Variants in NFIB observed in about 807,000 individuals in gnomAD.
NFIB encodes the protein nuclear factor I B, also known as nuclear factor 1 B-type.
A neutral mutation model predicts 61.5 loss-of-function variants in NFIB; 11 were observed. That is an observed-to-expected ratio of 0.18 (90% CI 0.11 to 0.30). NFIB has a LOEUF of 0.30. Ranked by LOEUF, NFIB falls within the 10% of genes least tolerant of loss-of-function variation. The probability of loss-of-function intolerance (pLI) is 1.00; values close to 1 mark genes in which losing one functional copy is unlikely to be tolerated. For synonymous variants in NFIB, 260 were observed against 216.5 expected, an observed-to-expected ratio of 1.20 and a Z score of -1.76; for missense variants, 471 against 608.9, an observed-to-expected ratio of 0.77 and a Z score of 2.38.
the NFIB span, among the ~76,000 whole-genome samples, chr9:14,493,168 CT>C: frequency 1.3e-5 from 2 of 152,148 alleles, no homozygotes; most frequent in Admixed American, 1.3e-4. Context: ...GGTGGAGGGC[CT>C]CCCAGGACCC....
chr9:14,255,368 T>A (rs367571391), intron 2 of NFIB, among the ~76,000 whole-genome samples: 2 of 152,268 alleles, frequency 1.3e-5, no homozygotes, highest in East Asian at 3.8e-4. Context: ...ATTTCCTTAA[T>A]GTAAGATCAC....
chr9:14,405,188 TG>T, the NFIB span, among the ~76,000 whole-genome samples: 1 of 152,176 alleles, frequency 6.6e-6, no homozygotes, highest in South Asian at 2.1e-4. Context: ...AGTCTAACCT[TG>T]AAGTCACATT....
intron 10 of NFIB, chr9:14,093,455 C>T (rs894930436): frequency 9.9e-5 from 15 of 151,976 alleles, no homozygotes; most frequent in Admixed American, 7.2e-4. Flanking sequence ...CATATTAATA[C>T]ATACCTCAAC....
intron 6 of NFIB, among the ~76,000 whole-genome samples, chr9:14,134,913 A>AAAAAAAAAAAAGAAAAAG (rs1011872669): frequency 7.5e-6 from 1 of 133,320 alleles, no homozygotes; most frequent in African/African-American, 2.6e-5. Flanking sequence ...AAAAAAAAAA[A>AAAAAAAAAAAAGAAAAAG]AAAAAAAGGA....
At chr9:14,297,681 C>T (rs1028400241) in intron 2 of NFIB, among the ~76,000 whole-genome samples, 6 of 152,146 alleles carry the variant, frequency 3.9e-5, no homozygotes, top group Non-Finnish European at 7.4e-5. Context: ...ATAAACAGTA[C>T]GCAACACGCA....
chr9:14,394,934 A>G (rs1489889272), intron 1 of NFIB, among the ~76,000 whole-genome samples: 2 of 152,112 alleles, frequency 1.3e-5, no homozygotes, highest in African/African-American at 4.8e-5. Flanking sequence ...AATGAATTGC[A>G]ATTATTATTA....
chr9:14,367,925 T>A (rs2061319853), intron 1 of NFIB, among the ~76,000 whole-genome samples: 1 of 152,076 alleles, frequency 6.6e-6, no homozygotes, highest in Non-Finnish European at 1.5e-5. Context: ...AAATACCTAA[T>A]GTAGATGACA....
At chr9:14,418,060 G>A in the NFIB span, among the ~76,000 whole-genome samples, 11 of 152,094 alleles carry the variant, frequency 7.2e-5, no homozygotes, top group Admixed American at 3.3e-4. Flanking sequence ...ATTACAGCGC[G>A]GTGAGCCACC....
At chr9:14,266,524 G>A (rs2057213827) in intron 2 of NFIB, among the ~76,000 whole-genome samples, 1 of 152,058 alleles carries the variant, frequency 6.6e-6, no homozygotes, top group Non-Finnish European at 1.5e-5. Flanking sequence ...GAGCCAGGGA[G>A]GTGGAGGCTG....
chr9:14,455,299 T>A, the NFIB span, among the ~76,000 whole-genome samples: 2 of 152,250 alleles, frequency 1.3e-5, no homozygotes, highest in Non-Finnish European at 2.9e-5. Flanking sequence ...TTTTGAAACC[T>A]AAGCCACTCA....
chr9:14,237,550 C>T (rs138916658), intron 2 of NFIB, among the ~76,000 whole-genome samples: 54 of 152,248 alleles, frequency 3.5e-4, no homozygotes, highest in Non-Finnish European at 6.0e-4. Context: ...ATGATTACTA[C>T]TCATTATTAA....
At chr9:14,492,759 G>A in the NFIB span, among the ~76,000 whole-genome samples, 1 of 152,124 alleles carries the variant, frequency 6.6e-6, no homozygotes, top group African/African-American at 2.4e-5. Context: ...ATGAGATTTG[G>A]GTGAAGAACA....
chr9:14,104,727 C>T (rs1285354497), intron 10 of NFIB, among the ~76,000 whole-genome samples: 2 of 149,758 alleles, frequency 1.3e-5, no homozygotes, highest in Non-Finnish European at 3.0e-5. Flanking sequence ...ATTACAGGTT[C>T]GTGCCACCAT....
intron 2 of NFIB, among the ~76,000 whole-genome samples, chr9:14,234,666 C>CT (rs58449298): frequency 0.57 from 86,137 of 151,466 alleles, 25,152 homozygotes; most frequent in East Asian, 0.71. Context: ...TTGGTCTACT[C>CT]TTTTTTTTAA....
the NFIB span, among the ~76,000 whole-genome samples, chr9:14,464,017 GT>G: frequency 1.3e-5 from 2 of 152,260 alleles, no homozygotes; most frequent in South Asian, 4.1e-4. Context: ...CTTGTAACAT[GT>G]AGCATTTTTA....
chr9:14,316,086 C>A (rs1476702608), upstream of NFIB, among the ~76,000 whole-genome samples: 2 of 152,176 alleles, frequency 1.3e-5, no homozygotes, highest in African/African-American at 2.4e-5. Flanking sequence ...TTCCCTCCCC[C>A]AGCGGACCTG....
chr9:14,225,673 G>T (rs1360944274), intron 2 of NFIB, among the ~76,000 whole-genome samples: 4 of 151,912 alleles, frequency 2.6e-5, no homozygotes, highest in Admixed American at 1.3e-4. Flanking sequence ...GAAAGTAATA[G>T]TAAGTTTTCC....
intron 2 of NFIB, among the ~76,000 whole-genome samples, chr9:14,254,302 A>C (rs1285686572): frequency 2.0e-5 from 3 of 148,748 alleles, no homozygotes; most frequent in East Asian, 1.9e-4. Flanking sequence ...CTGTCTCAAA[A>C]AAAACAAAAC....
intron 1 of NFIB, among the ~76,000 whole-genome samples, chr9:14,394,102 T>A (rs142792714): frequency 6.6e-6 from 1 of 152,214 alleles, no homozygotes; most frequent in African/African-American, 2.4e-5. Flanking sequence ...ACATGCCAGG[T>A]GTTATGCAAA....
Sources: allele counts gnomAD v4.1 joint callset (sites outside exome capture counted in the v4.1 genomes callset), GRCh38; gene constraint gnomAD v4.1.1; transcripts MANE v1.5; gene names NCBI Gene and HGNC (gene_info 2026-07-23, HGNC 2026-07-21).